Variants in TTI1 observed in about 807,000 individuals in gnomAD.
TTI1 encodes TELO2-interacting protein 1 homolog.
In TTI1, 52 loss-of-function variants were observed where a neutral mutation model predicts 85.4. That is an observed-to-expected ratio of 0.61 (90% confidence interval 0.49 to 0.77). The LOEUF is 0.77. TTI1 is among the 30% of genes least tolerant of loss of function. The pLI is 0.00. For synonymous variants in TTI1, 512 were observed against 503.9 expected, an observed-to-expected ratio of 1.02 and a Z score of -0.22; for missense variants, 1,173 against 1,296.0, an observed-to-expected ratio of 0.91 and a Z score of 1.46.
chr20:38,019,579 T>TA (rs2073733787), intron 1 of TTI1, among the ~76,000 whole-genome samples: 1 of 151,560 alleles, frequency 6.6e-6, no homozygotes, highest in African/African-American at 2.4e-5. Context: ...TACAGGGCAG[T>TA]AAAAAATGGG....
At chr20:37,995,239 AG>A (rs1247903301) in intron 7 of TTI1, among the ~76,000 whole-genome samples, 3 of 152,228 alleles carry the variant, frequency 2.0e-5, no homozygotes, top group Admixed American at 6.5e-5. Flanking sequence ...GGAAAGGGAC[AG>A]GAAGAAAAAA....
At chr20:38,011,467 T>C in intron 2 of TTI1, 48 bp downstream of exon 2, 1 of 1,579,352 alleles carries the variant, frequency 6.3e-7, no homozygotes, top group Non-Finnish European at 8.6e-7. Flanking sequence ...ACTAGGAGAC[T>C]GAGTCCTGTC....
In TTI1 at chr20:38,013,872, CTG is replaced by C. The variant is rs1302797409; in HGVS notation, c.-41-17_-41-16del. 5.2e-6 allele frequency: 8 copies of C among 1,546,874 alleles called. No individual in the cohort carries two copies. The East Asian group carries it at 1.6e-4, about 30-fold the overall frequency. Reference sequence around the variant, plus strand: ...CATCCTGCAGGCTGGAGGAAGGAAACTGTTCAGTAAAAATGTCAAGTTCAAAG... The same window carrying C: ...CATCCTGCAGGCTGGAGGAAGGAAACTTCAGTAAAAATGTCAAGTTCAAAG... On this transcript the variant is annotated splice_polypyrimidine_tract_variant and intron_variant, in intron 1 of 7. Transcript: ENST00000373447.
intron 1 of TTI1, among the ~76,000 whole-genome samples, chr20:38,022,637 T>C (rs942858936): frequency 6.6e-6 from 1 of 151,898 alleles, no homozygotes; most frequent in Non-Finnish European, 1.5e-5. Context: ...AGGTAGTTGA[T>C]CTCGTCTACA....
intron 7 of TTI1, among the ~76,000 whole-genome samples, chr20:37,986,207 C>T (rs1335732072): frequency 1.3e-5 from 2 of 152,188 alleles, no homozygotes; most frequent in African/African-American, 4.8e-5. Flanking sequence ...GGTGCTCTCC[C>T]AGCTTCAAGG....
At position 37,983,045 on chromosome 20, in the gene TTI1, T is replaced by C. The variant is rs1398401031; in HGVS notation, c.*411A>G. ...ATACTTTTCATCCAAGAAGTGTCTTTATTTCCGTTTGTTTCCCAAAGATCA... is the reference window on the plus strand; with the variant it reads ...ATACTTTTCATCCAAGAAGTGTCTTCATTTCCGTTTGTTTCCCAAAGATCA... On this transcript the variant is annotated 3_prime_UTR_variant, in exon 8 of 8. Coordinates refer to ENST00000373447, the MANE Select transcript of TTI1 (RefSeq NM_001303457.2). 6.4e-6 allele frequency: 1 copy of C among 157,052 alleles called. No homozygotes were observed. Among genetic ancestry groups the C allele is most frequent in the Non-Finnish European group, 1.4e-5 (1 of 70,922 alleles). The allele number at this position is 157,052 out of a possible 1,614,324, so 9.7% of individuals were successfully genotyped here. A position where few individuals can be genotyped will look rare whatever the true frequency, so the allele number is the denominator to read the frequency against.
At chr20:38,033,185 G>T (rs868685118) in intron 1 of TTI1, among the ~76,000 whole-genome samples, 2 of 152,202 alleles carry the variant, frequency 1.3e-5, no homozygotes, top group Non-Finnish European at 2.9e-5. Context: ...AAAAGGGCAC[G>T]TGGGTGGCTT....
chr20:38,024,962 T>C (rs941627479), intron 1 of TTI1, among the ~76,000 whole-genome samples: 2 of 151,928 alleles, frequency 1.3e-5, no homozygotes, highest in Non-Finnish European at 2.9e-5. Flanking sequence ...GGAGACCAAG[T>C]GGGGAGTTGG....
intron 7 of TTI1, among the ~76,000 whole-genome samples, chr20:37,995,233 A>T (rs1300060401): frequency 6.6e-6 from 1 of 152,224 alleles, no homozygotes; most frequent in African/African-American, 2.4e-5. Flanking sequence ...GTGACGGGAA[A>T]GGGACAGGAA....
intron 7 of TTI1, chr20:37,987,048 G>A (rs1345495402): frequency 2.5e-6 from 1 of 407,872 alleles, no homozygotes; most frequent in African/African-American, 2.0e-5. Flanking sequence ...AAGTGTAGCT[G>A]TGCTCTCACT....
Position 38,011,856 on chromosome 20 carries a change from T to A in TTI1, c.1961A>T (p.Tyr654Phe), listed in dbSNP as rs1235952156. Reference protein sequence around the residue: ...DFCLLLMSALYPVLEKAGDQT... With the variant: ...DFCLLLMSALFPVLEKAGDQT... ...GTCTCCAGCCTTCTCCAGTACTGGATAAAGGGCTGACATCAAGAGCAAACA... is the reference window on the plus strand; with the variant it reads ...GTCTCCAGCCTTCTCCAGTACTGGAAAAAGGGCTGACATCAAGAGCAAACA... Residue 654 changes from tyrosine (Y) to phenylalanine (F), a missense_variant, in exon 2 of 8, where the codon TAT (tyrosine) becomes TTT (phenylalanine). Physicochemically the swap from Tyr to Phe is conservative, Grantham distance 22. Transcript: ENST00000373447. The A allele has an allele frequency of 6.8e-6, 11 of 1,614,210 alleles. No individual in the cohort carries two copies. Among genetic ancestry groups the A allele is most frequent in the Non-Finnish European group, 9.3e-6 (11 of 1,180,044 alleles).
intron 1 of TTI1, among the ~76,000 whole-genome samples, chr20:38,017,647 G>A (rs983231283): frequency 6.6e-6 from 1 of 152,154 alleles, no homozygotes; most frequent in African/African-American, 2.4e-5. Flanking sequence ...CAACCCAGTA[G>A]AGATTTTGGT....
chr20:37,991,788 A>G (rs2073268655), intron 7 of TTI1, among the ~76,000 whole-genome samples: 1 of 152,214 alleles, frequency 6.6e-6, no homozygotes, highest in African/African-American at 2.4e-5. Flanking sequence ...CCTTCAGAAC[A>G]TAAGCAGAGG....
intron 1 of TTI1, among the ~76,000 whole-genome samples, chr20:38,032,482 C>A (rs936323844): frequency 1.3e-5 from 2 of 152,176 alleles, no homozygotes; most frequent in Admixed American, 1.3e-4. Flanking sequence ...AACTCCCTAC[C>A]ATCACCCCCG....
At chr20:38,030,184 T>TA (rs761564876) in intron 1 of TTI1, among the ~76,000 whole-genome samples, 21 of 138,688 alleles carry the variant, frequency 1.5e-4, no homozygotes, top group Non-Finnish European at 3.2e-4. Flanking sequence ...ATTTGTCACT[T>TA]AAAAACTCCA....
chr20:38,017,712 C>CTTGG (rs1674091425), intron 1 of TTI1, among the ~76,000 whole-genome samples: 1 of 152,112 alleles, frequency 6.6e-6, no homozygotes, highest in South Asian at 2.1e-4. Flanking sequence ...GAAATACTTA[C>CTTGG]TTGGTTGGGG....
At chr20:37,999,057 T>C (rs2073382060) in intron 5 of TTI1, 131 bp downstream of exon 5, 1 of 1,079,122 alleles carries the variant, frequency 9.3e-7, no homozygotes, top group Admixed American at 4.0e-5. Flanking sequence ...GCTTTTCTTA[T>C]GTTTCTATAC....
chr20:37,996,649 AGAGGG>A (rs1344853755), intron 6 of TTI1, 95 bp downstream of exon 6: 19 of 1,437,520 alleles, frequency 1.3e-5, no homozygotes, highest in East Asian at 4.6e-5. Context: ...GGAGGTACAC[AGAGGG>A]GAGGGGAGGG....
At chr20:38,001,262 G>A (rs2073421882) in intron 4 of TTI1, among the ~76,000 whole-genome samples, 1 of 152,130 alleles carries the variant, frequency 6.6e-6, no homozygotes, top group South Asian at 2.1e-4. Flanking sequence ...CTGTGAGGTA[G>A]GTACCATCAT....
Sources: allele counts gnomAD v4.1 joint callset (sites outside exome capture counted in the v4.1 genomes callset), GRCh38; gene constraint gnomAD v4.1.1; transcripts MANE v1.5; gene names NCBI Gene and HGNC (gene_info 2026-07-23, HGNC 2026-07-21).